The following WFDC1 variants were observed in gnomAD, a reference collection of about 807,000 sequenced individuals.
The protein encoded by WFDC1 is WAP four-disulfide core domain protein 1.
Under a neutral mutation model 32.9 loss-of-function variants are expected in WFDC1, and 39 were observed. The observed-to-expected ratio is 1.19, with a 90% CI of 0.92 to 1.55. The LOEUF is 1.55. Ranked by LOEUF, WFDC1 falls within the 40% of genes most tolerant of loss-of-function variation. WFDC1 has a pLI of 0.00. For missense variants in WFDC1, 386 were observed against 309.5 expected (o/e 1.25, Z -1.85); for synonymous variants, 184 against 137.4 (o/e 1.34, Z -2.37).
At chr16:84,299,202 A>C (rs1352742478) in intron 1 of WFDC1, among the ~76,000 whole-genome samples, 1 of 150,794 alleles carries the variant, frequency 6.6e-6, no homozygotes, top group Non-Finnish European at 1.5e-5. Flanking sequence ...CTGTACTAAA[A>C]ATACAAAAAA....
intron 1 of WFDC1, among the ~76,000 whole-genome samples, chr16:84,311,992 C>G (rs909509385): frequency 2.6e-5 from 4 of 151,922 alleles, no homozygotes; most frequent in African/African-American, 9.7e-5. Context: ...ATGTAGAAAC[C>G]CTGTCTCTAC....
chr16:84,303,685 T>C (rs1907080339), intron 1 of WFDC1, among the ~76,000 whole-genome samples: 1 of 152,220 alleles, frequency 6.6e-6, no homozygotes. Context: ...GAAATTCACA[T>C]GACAGACAAT....
chr16:84,322,921 G>A (rs1443123360), intron 4 of WFDC1, among the ~76,000 whole-genome samples: 1 of 152,204 alleles, frequency 6.6e-6, no homozygotes, highest in East Asian at 1.9e-4. Context: ...CTAGCCTTGA[G>A]TGGGAGGCAA....
In WFDC1 at chr16:84,313,083, C is replaced by T; in HGVS notation, c.267C>T (p.Cys89=). 3 of 1,425,180 alleles carry T rather than the reference C, an allele frequency of 2.1e-6. No homozygotes were observed. The highest frequency in any genetic ancestry group is 2.5e-4 in the Middle Eastern group (1 of 4,026). 88.3% of individuals were successfully genotyped at this position (1,425,180 alleles called of 1,614,324 possible). A position where few individuals can be genotyped will look rare whatever the true frequency, so the allele number is the denominator to read the frequency against. The change falls in exon 2 of 7, where the codon TGC becomes TGT. Residue 89 remains cysteine (C), a synonymous_variant. Transcript: ENST00000219454. The stretch of plus-strand genomic sequence containing the variant: ...CGCGCTGTCAGGCGGACTCCGAGTG[C>T]CCGCGGCACCGGCGCTGCTGCTACA... ...QAARCQADSE[C]PRHRRCCYNG...
chr16:84,315,556 C>G (rs887878343), intron 2 of WFDC1, among the ~76,000 whole-genome samples: 5 of 152,186 alleles, frequency 3.3e-5, no homozygotes, highest in Non-Finnish European at 7.3e-5. Flanking sequence ...CTGTCTAACA[C>G]CAGATTTCAC....
At chr16:84,311,903 C>T (rs1404947812) in intron 1 of WFDC1, among the ~76,000 whole-genome samples, 1 of 151,976 alleles carries the variant, frequency 6.6e-6, no homozygotes, top group Non-Finnish European at 1.5e-5. Context: ...CGGTGGCTCA[C>T]ACCTGTAATC....
chr16:84,322,088 C>G (rs1226930494), intron 4 of WFDC1, among the ~76,000 whole-genome samples: 1 of 151,830 alleles, frequency 6.6e-6, no homozygotes, highest in African/African-American at 2.4e-5. Flanking sequence ...GGAATTTACC[C>G]AAAAGATGCA....
intron 4 of WFDC1, among the ~76,000 whole-genome samples, chr16:84,322,572 C>T (rs244785): frequency 0.7 from 105,862 of 152,068 alleles, 38,530 homozygotes; most frequent in Non-Finnish European, 0.8. Flanking sequence ...TATAAATCTA[C>T]GTGTGTATTT....
chr16:84,301,844 C>T (rs2151367373), intron 1 of WFDC1, among the ~76,000 whole-genome samples: 1 of 152,262 alleles, frequency 6.6e-6, no homozygotes, highest in Admixed American at 6.5e-5. Flanking sequence ...TCTGAGGTCC[C>T]AGCCCTGAAA....
intron 2 of WFDC1, chr16:84,317,701 T>C (rs1489853046): frequency 6.5e-6 from 1 of 154,060 alleles, no homozygotes; most frequent in Non-Finnish European, 1.4e-5. Context: ...CCCCCGAACC[T>C]AAAAATTAAA....
intron 1 of WFDC1, chr16:84,295,349 A>G (rs920883296): frequency 5.7e-6 from 3 of 526,206 alleles, no homozygotes; most frequent in Non-Finnish European, 9.8e-6. Flanking sequence ...AAATGTGCCA[A>G]AGAATCGTGC....
intron 5 of WFDC1, among the ~76,000 whole-genome samples, chr16:84,325,074 C>G (rs962330421): frequency 6.6e-6 from 1 of 151,686 alleles, no homozygotes; most frequent in Non-Finnish European, 1.5e-5. Flanking sequence ...CTTTTATCCA[C>G]CCCTTTATTC....
At chr16:84,304,809 C>A (rs1907153992) in intron 1 of WFDC1, among the ~76,000 whole-genome samples, 1 of 152,116 alleles carries the variant, frequency 6.6e-6, no homozygotes, top group South Asian at 2.1e-4. Flanking sequence ...AAAGAGGGGG[C>A]CAGGACAAAT....
intron 1 of WFDC1, among the ~76,000 whole-genome samples, chr16:84,311,649 C>T (rs1907632228): frequency 1.3e-5 from 2 of 149,654 alleles, no homozygotes; most frequent in Non-Finnish European, 3.0e-5. Flanking sequence ...CCGCCTCAGC[C>T]TCCCAAGTAC....
intron 5 of WFDC1, 74 bp downstream of exon 5, chr16:84,324,534 A>C: frequency 1.3e-6 from 2 of 1,525,246 alleles, no homozygotes; most frequent in Non-Finnish European, 1.8e-6. Context: ...TGTGAAGAAA[A>C]AAATAAAAGC....
rs1388601100 is a variant in WFDC1 at position 84,324,740 on chromosome 16, G to A, written c.604+280G>A. On this transcript the variant is annotated intron_variant, in intron 5 of 6. Coordinates refer to ENST00000219454, the MANE Select transcript of WFDC1 (RefSeq NM_021197.4). ...TTTCATTCAGAGAATTGGAAAACAC[G>A]CCTGATACCACTCTTCCATTCATCC... Among the ~76,000 whole-genome samples the A allele has an allele frequency of 2.6e-5, 4 of 152,082 alleles. No homozygotes were observed. The South Asian group carries it at 6.2e-4, about 24-fold the overall frequency.
intron 3 of WFDC1, chr16:84,318,855 A>T (rs1908120403): frequency 4.8e-6 from 1 of 208,488 alleles, no homozygotes; most frequent in African/African-American, 2.3e-5. Context: ...TGTCCGCTAG[A>T]GTGTGCGGCC....
chr16:84,319,938 G>T (rs1209775585), intron 4 of WFDC1, among the ~76,000 whole-genome samples: 3 of 152,196 alleles, frequency 2.0e-5, no homozygotes, highest in Admixed American at 1.3e-4. Context: ...GTGCAGAGCA[G>T]TCGGAGCAGC....
intron 4 of WFDC1, 149 bp downstream of exon 4, chr16:84,319,720 G>C (rs749710324): frequency 1.8e-6 from 2 of 1,100,540 alleles, no homozygotes; most frequent in Non-Finnish European, 2.5e-6. Flanking sequence ...CCCCCTGCCC[G>C]GCTCCTTCTT....
Sources: gnomAD v4.1 joint callset for allele counts (sites outside exome capture counted in the v4.1 genomes callset) on GRCh38, gnomAD v4.1.1 for gene constraint, MANE v1.5 for transcripts, NCBI Gene and HGNC (gene_info 2026-07-23, HGNC 2026-07-21) for gene names.